Variants in STAU2 observed in about 807,000 individuals in gnomAD.
The protein encoded by STAU2 is double-stranded RNA-binding protein Staufen homolog 2.
In STAU2, 20 loss-of-function variants were observed where a neutral mutation model predicts 65.9. That is an observed-to-expected ratio of 0.30 (90% confidence interval 0.21 to 0.44). The LOEUF is 0.44. STAU2 is among the 20% of genes least tolerant of loss of function. STAU2 has a pLI of 1.00. For synonymous variants in STAU2, 232 were observed against 233.9 expected, an observed-to-expected ratio of 0.99 and a Z score of 0.07; for missense variants, 558 against 683.9, an observed-to-expected ratio of 0.82 and a Z score of 2.05.
chr8:73,666,881 T>C (rs1044567623), intron 6 of STAU2, among the ~76,000 whole-genome samples: 3 of 152,220 alleles, frequency 2.0e-5, no homozygotes, highest in African/African-American at 7.2e-5. Context: ...GATGTTATAC[T>C]ACCTCTTGCC....
At chr8:73,602,750 A>G (rs1811726486) in intron 10 of STAU2, among the ~76,000 whole-genome samples, 1 of 151,946 alleles carries the variant, frequency 6.6e-6, no homozygotes, top group Non-Finnish European at 1.5e-5. Context: ...AAAACAAAAA[A>G]TTAAAAAACA....
chr8:73,607,319 T>C (rs1306637874), intron 9 of STAU2, among the ~76,000 whole-genome samples: 1 of 152,160 alleles, frequency 6.6e-6, no homozygotes, highest in East Asian at 1.9e-4. Flanking sequence ...CTTCAAAGCT[T>C]ATTGAGAAAT....
At chr8:73,747,263 C>T (rs1465668920), upstream of STAU2, 6 of 1,183,536 alleles carry the variant, frequency 5.1e-6, no homozygotes, top group African/African-American at 1.6e-5. Context: ...CCCGCCCCCT[C>T]GTCTGCCAAG....
At chr8:73,634,610 T>G (rs2130062072) in intron 6 of STAU2, among the ~76,000 whole-genome samples, 1 of 152,366 alleles carries the variant, frequency 6.6e-6, no homozygotes, top group South Asian at 2.1e-4. Context: ...CTACAAGGCC[T>G]TACATAAATC....
At chr8:73,636,131 G>T (rs1814495140) in intron 6 of STAU2, among the ~76,000 whole-genome samples, 1 of 151,860 alleles carries the variant, frequency 6.6e-6, no homozygotes, top group African/African-American at 2.4e-5. Context: ...AAGGCGGGAA[G>T]ATTGCTTGAA....
At chr8:73,587,067 T>C (rs553281522) in intron 11 of STAU2, among the ~76,000 whole-genome samples, 18 of 151,788 alleles carry the variant, frequency 1.2e-4, no homozygotes, top group South Asian at 2.1e-4. Context: ...CCTGAGAAAA[T>C]AGAAAAGCAT....
intron 6 of STAU2, among the ~76,000 whole-genome samples, chr8:73,655,404 G>A (rs2130272431): frequency 6.6e-6 from 1 of 152,108 alleles, no homozygotes; most frequent in East Asian, 1.9e-4. Flanking sequence ...TACACCAGCT[G>A]TATCTTGTTT....
intron 13 of STAU2, among the ~76,000 whole-genome samples, chr8:73,452,776 T>C (rs948380179): frequency 6.6e-6 from 1 of 152,246 alleles, no homozygotes; most frequent in South Asian, 2.1e-4. Flanking sequence ...ATTGTAAAGA[T>C]GTCTTCAAAG....
At chr8:73,732,989 G>A (rs1191827156) in intron 3 of STAU2, 1 of 150,022 alleles carries the variant, frequency 6.7e-6, no homozygotes, top group Non-Finnish European at 1.5e-5. Flanking sequence ...TCTAGACTTT[G>A]TTTCTTGGTA....
intron 13 of STAU2, among the ~76,000 whole-genome samples, chr8:73,519,081 T>C (rs1490836838): frequency 6.6e-6 from 1 of 152,172 alleles, no homozygotes; most frequent in Non-Finnish European, 1.5e-5. Context: ...CTCCAGGACC[T>C]CCTGGAAGTT....
intron 9 of STAU2, among the ~76,000 whole-genome samples, chr8:73,613,334 G>C (rs1812606721): frequency 6.6e-6 from 1 of 152,162 alleles, no homozygotes; most frequent in African/African-American, 2.4e-5. Context: ...CTGGATTAGA[G>C]ATCAGAGCGG....
At chr8:73,503,879 G>C (rs999295559) in intron 13 of STAU2, among the ~76,000 whole-genome samples, 2 of 151,988 alleles carry the variant, frequency 1.3e-5, no homozygotes, top group African/African-American at 2.4e-5. Context: ...AGTCCCAGGG[G>C]CCTGACCAAC....
chr8:73,644,221 G>A (rs965171984), intron 6 of STAU2, among the ~76,000 whole-genome samples: 7 of 152,250 alleles, frequency 4.6e-5, no homozygotes, highest in African/African-American at 1.7e-4. Context: ...TTTTTAAACT[G>A]AACGAAAATA....
At chr8:73,546,961 A>G (rs1401496420) in intron 13 of STAU2, among the ~76,000 whole-genome samples, 1 of 152,246 alleles carries the variant, frequency 6.6e-6, no homozygotes, top group East Asian at 1.9e-4. Context: ...GATTTTTCAA[A>G]TAATTCCAAG....
At chr8:73,449,044 C>G (rs1818645302) in intron 13 of STAU2, among the ~76,000 whole-genome samples, 1 of 152,240 alleles carries the variant, frequency 6.6e-6, no homozygotes, top group South Asian at 2.1e-4. Flanking sequence ...GGCGCAGGAG[C>G]AAGGTGCCGG....
In STAU2 at chr8:73,695,037, C is replaced by T. The variant is rs535742934; in HGVS notation, c.115-6224G>A. ...TAAATCTGAAAGGCAGTCTAGGACA[C>T]GAGACTGTGCTTCCTAGGCAACTCC... On this transcript the variant is annotated intron_variant, in intron 4 of 14. Transcript: ENST00000524300. Among the ~76,000 whole-genome samples, 66 of 152,232 alleles carry T rather than the reference C, an allele frequency of 4.3e-4. 2 individuals are homozygous for T. In the South Asian group the frequency reaches 0.013, roughly 29 times the overall value.
At chr8:73,629,678 C>T (rs1400715562) in intron 6 of STAU2, among the ~76,000 whole-genome samples, 2 of 152,138 alleles carry the variant, frequency 1.3e-5, no homozygotes, top group Non-Finnish European at 2.9e-5. Context: ...CTATGAGTAA[C>T]ACACTTTGGG....
chr8:73,651,398 C>G, intron 6 of STAU2: 1 of 664,956 alleles, frequency 1.5e-6, no homozygotes, highest in Admixed American at 2.0e-5. Context: ...GGAAATGCAG[C>G]TGTCGGAGGT....
At chr8:73,436,649 C>T (rs986174570) in intron 13 of STAU2, among the ~76,000 whole-genome samples, 15 of 151,420 alleles carry the variant, frequency 9.9e-5, no homozygotes, top group Non-Finnish European at 1.8e-4. Flanking sequence ...TGCAGTGGCG[C>T]GATCTCGGCT....
Sources: allele counts gnomAD v4.1 joint callset (sites outside exome capture counted in the v4.1 genomes callset), GRCh38; gene constraint gnomAD v4.1.1; transcripts MANE v1.5; gene names NCBI Gene and HGNC (gene_info 2026-07-23, HGNC 2026-07-21).